Variants in SGCD observed in about 807,000 individuals in gnomAD.
SGCD encodes delta-sarcoglycan.
In SGCD, 18 loss-of-function variants were observed where a neutral mutation model predicts 36.6. That is an observed-to-expected ratio of 0.49 (90% CI 0.34 to 0.73). The LOEUF (loss-of-function observed/expected upper bound fraction) is 0.73. Ranked by LOEUF, SGCD falls within the 30% of genes least tolerant of loss-of-function variation. SGCD has a pLI of 0.01. For synonymous variants in SGCD, 133 were observed against 130.6 expected (o/e 1.02, Z -0.12); for missense variants, 387 against 346.7 (o/e 1.12, Z -0.92).
chr5:155,839,560 T>G, the SGCD span, among the ~76,000 whole-genome samples: 1 of 152,148 alleles, frequency 6.6e-6, no homozygotes, highest in East Asian at 1.9e-4. Flanking sequence ...TTACAACATA[T>G]AATGGATTCA....
At chr5:156,595,547 C>G (rs1421631549) in intron 6 of SGCD, among the ~76,000 whole-genome samples, 1 of 152,206 alleles carries the variant, frequency 6.6e-6, no homozygotes, top group Non-Finnish European at 1.5e-5. Flanking sequence ...CTCCCTGAGT[C>G]TGGTCCCCTA....
At position 156,050,243 on chromosome 5, in the gene SGCD, C is replaced by T. The variant is rs749216633; in HGVS notation, c.-281-67635C>T. 5.5e-5 allele frequency among the ~76,000 whole-genome samples: 8 copies of T among 146,548 alleles called. 1 individual carries two copies. In the East Asian group the frequency reaches 5.8e-4, roughly 11 times the overall value. On this transcript the variant is annotated intron_variant, in intron 1 of 9. Transcript: ENST00000517913. Reference sequence around the variant, plus strand: ...TATTTTAAGAAATCGCCACAGCAACCTTAATCTTCAGCAACCATCACCCTG... The same window carrying T: ...TATTTTAAGAAATCGCCACAGCAACTTTAATCTTCAGCAACCATCACCCTG...
intron 7 of SGCD, among the ~76,000 whole-genome samples, chr5:156,718,965 C>A (rs1181633878): frequency 6.6e-6 from 1 of 152,114 alleles, no homozygotes; most frequent in Admixed American, 6.6e-5. Context: ...CTCTTTTCTT[C>A]TCCTCCTCTA....
chr5:155,948,283 G>A (rs7727854), intron 1 of SGCD, among the ~76,000 whole-genome samples: 29,236 of 151,806 alleles, frequency 0.19, 3,385 homozygotes, highest in Admixed American at 0.38. Context: ...TCTCAATACT[G>A]CTACTACTAA....
At chr5:155,887,857 T>C (rs1260019353) in intron 1 of SGCD, among the ~76,000 whole-genome samples, 1 of 152,232 alleles carries the variant, frequency 6.6e-6, no homozygotes, top group Non-Finnish European at 1.5e-5. Flanking sequence ...TAACATTTGT[T>C]GAGCATTCAC....
At position 155,975,627 on chromosome 5, in the gene SGCD, T is replaced by C. The variant is rs1758098632; in HGVS notation, c.-282+105203T>C. Among the ~76,000 whole-genome samples the C allele has an allele frequency of 3.2e-5, 3 of 93,668 alleles. 1 individual carries two copies. The highest frequency in any genetic ancestry group is 6.3e-5 in the Non-Finnish European group (3 of 47,308). 61.4% of individuals were successfully genotyped at this position (93,668 alleles called of 152,430 possible). On this transcript the variant is annotated intron_variant, in intron 1 of 9. Coordinates refer to the SGCD transcript ENST00000517913. ...TTCTTTCCTTTTTTTTTTTTTTTTT[T>C]TTTTTTTTTTTTTTTTTTTGAGACG...
At chr5:155,814,128 C>T in the SGCD span, among the ~76,000 whole-genome samples, 54 of 152,210 alleles carry the variant, frequency 3.5e-4, no homozygotes, top group Admixed American at 3.5e-3. Flanking sequence ...GGCCTCAGGT[C>T]TTCTAGCCTC....
the SGCD span, among the ~76,000 whole-genome samples, chr5:155,792,089 C>T: frequency 6.6e-6 from 1 of 152,038 alleles, no homozygotes; most frequent in East Asian, 1.9e-4. Context: ...AGCTGAGAGC[C>T]CAGAAATAAA....
intron 3 of SGCD, among the ~76,000 whole-genome samples, chr5:156,470,683 T>C (rs1358491693): frequency 6.6e-6 from 1 of 152,188 alleles, no homozygotes. Flanking sequence ...CTTTTTTTGC[T>C]AATACAAGTT....
At chr5:156,455,828 A>G (rs900179503) in intron 3 of SGCD, among the ~76,000 whole-genome samples, 3 of 152,236 alleles carry the variant, frequency 2.0e-5, no homozygotes, top group Non-Finnish European at 4.4e-5. Context: ...CCCTAATCCA[A>G]TATGACTGGT....
At chr5:155,814,367 A>T in the SGCD span, among the ~76,000 whole-genome samples, 1 of 152,230 alleles carries the variant, frequency 6.6e-6, no homozygotes, top group East Asian at 1.9e-4. Context: ...TTTATCCTCC[A>T]ACACTGGTTA....
In SGCD at chr5:156,132,458, CTTTTTTTTTT is replaced by C. The variant is rs573278623; in HGVS notation, c.-44+8458_-44+8467del. Among the ~76,000 whole-genome samples the C allele has an allele frequency of 3.9e-4, 20 of 51,790 alleles. 1 individual carries two copies. The highest frequency in any genetic ancestry group is 2.0e-3 in the South Asian group (3 of 1,464). The allele number at this position is 51,790 out of a possible 152,430, so 34.0% of individuals were successfully genotyped here. On this transcript the variant is annotated intron_variant, in intron 3 of 9. Coordinates refer to the SGCD transcript ENST00000517913. ...CGGAACTGTGGCTAACTTACCAAGTCTTTTTTTTTTTTTTTTTTTTTTTTTTTTGAGACGG... is the reference window on the plus strand; with the variant it reads ...CGGAACTGTGGCTAACTTACCAAGTCTTTTTTTTTTTTTTTTTTGAGACGG...
chr5:155,799,517 T>C, the SGCD span, among the ~76,000 whole-genome samples: 2 of 151,852 alleles, frequency 1.3e-5, no homozygotes, highest in Non-Finnish European at 2.9e-5. Flanking sequence ...CTTGATCCTC[T>C]TGAATAGCTA....
the SGCD span, among the ~76,000 whole-genome samples, chr5:155,853,007 A>G: frequency 6.6e-6 from 1 of 150,812 alleles, no homozygotes; most frequent in Non-Finnish European, 1.5e-5. Context: ...TTCAGTCACT[A>G]TTTCCTTTTG....
intron 3 of SGCD, among the ~76,000 whole-genome samples, chr5:156,350,262 T>TATATATATATATATATATATATATATATA (rs1283085581): frequency 6.9e-6 from 1 of 144,726 alleles, no homozygotes; most frequent in Non-Finnish European, 1.5e-5. Context: ...TATATATATA[T>TATATATATATATATATATATATATATATA]ATGTACACAC....
intron 3 of SGCD, among the ~76,000 whole-genome samples, chr5:156,215,137 T>C (rs1764541104): frequency 6.6e-6 from 1 of 152,058 alleles, no homozygotes; most frequent in Non-Finnish European, 1.5e-5. Context: ...GCTCAACTGT[T>C]AAATCTAATG....
At chr5:156,271,369 C>T (rs1353764360) in intron 3 of SGCD, among the ~76,000 whole-genome samples, 1 of 152,008 alleles carries the variant, frequency 6.6e-6, no homozygotes, top group African/African-American at 2.4e-5. Flanking sequence ...TCTACAGGTT[C>T]GTCTGGTCTT....
At chr5:156,155,565 A>G (rs1490013165) in intron 3 of SGCD, among the ~76,000 whole-genome samples, 1 of 150,808 alleles carries the variant, frequency 6.6e-6, no homozygotes, top group Non-Finnish European at 1.5e-5. Flanking sequence ...AGAAACACCA[A>G]CACCAAATTA....
chr5:155,892,326 T>C (rs1756151329), intron 1 of SGCD, among the ~76,000 whole-genome samples: 1 of 151,976 alleles, frequency 6.6e-6, no homozygotes, highest in Non-Finnish European at 1.5e-5. Context: ...CATGGTGGCA[T>C]GTGCCTGTAG....
Sources: gnomAD v4.1 joint callset for allele counts (sites outside exome capture counted in the v4.1 genomes callset) on GRCh38, gnomAD v4.1.1 for gene constraint, MANE v1.5 for transcripts, NCBI Gene and HGNC (gene_info 2026-07-23, HGNC 2026-07-21) for gene names.